Variants in HSP90B1 observed in about 807,000 individuals in gnomAD.
HSP90B1 encodes heat shock protein 90 beta family member 1, also known as endoplasmin.
In HSP90B1, 27 loss-of-function variants were observed where a neutral mutation model predicts 100.4. That is an observed-to-expected ratio of 0.27 (90% confidence interval 0.20 to 0.37). The LOEUF (loss-of-function observed/expected upper bound fraction) is 0.37, where lower values mean the gene tolerates loss of function less well. HSP90B1 is among the 10% of genes least tolerant of loss of function. HSP90B1 has a pLI of 1.00. For synonymous variants in HSP90B1, 304 were observed against 330.8 expected (o/e 0.92, Z 0.88); for missense variants, 678 against 960.5 (o/e 0.71, Z 3.89).
At chr12:103,947,483 CAG>C (rs1870273098) in intron 17 of HSP90B1, 53 bp downstream of exon 17, 7 of 1,613,442 alleles carry the variant, frequency 4.3e-6, no homozygotes, top group African/African-American at 4.0e-5. Flanking sequence ...AAAGTTAGGA[CAG>C]AGTTTTAGTT....
Position 103,938,102 on chromosome 12 carries a change from C to T in HSP90B1, c.856-238C>T, listed in dbSNP as rs548335816. ...AGGAGAATTGCTTGAACCCGGGAGA[C>T]GGAGGTTGCAGTGAGCCAAGATCGC... On this transcript the variant is annotated intron_variant, in intron 6 of 17. Transcript: ENST00000299767. 16 of 396,466 alleles carry T rather than the reference C, an allele frequency of 4.0e-5. No homozygotes were observed. In the East Asian group the frequency reaches 4.8e-4, roughly 12 times the overall value. The allele number at this position is 396,466 out of a possible 1,614,324, so 24.6% of individuals were successfully genotyped here. A position where few individuals can be genotyped will look rare whatever the true frequency, so the allele number is the denominator to read the frequency against.
Position 103,944,094 on chromosome 12 carries a change from T to C in HSP90B1, c.2027+220T>C, listed in dbSNP as rs569300359. 5.9e-5 allele frequency among the ~76,000 whole-genome samples: 9 copies of C among 152,380 alleles called. No individual in the cohort carries two copies. In the East Asian group the frequency reaches 1.5e-3, roughly 26 times the overall value. On this transcript the variant is annotated intron_variant, in intron 14 of 17. Transcript: ENST00000299767. The stretch of plus-strand genomic sequence containing the variant: ...TTTTCTGATTTTATTGTATTTGATA[T>C]GTAAATGGGAATTTTCTTAATGTGT...
chr12:103,939,761 A>G (rs1870023490), intron 8 of HSP90B1, 136 bp downstream of exon 8: 2 of 490,262 alleles, frequency 4.1e-6, no homozygotes. Flanking sequence ...AGAAAATTCA[A>G]AAAAAGACCT....
intron 2 of HSP90B1, 69 bp downstream of exon 2, chr12:103,931,692 A>T (rs767229801): frequency 1.8e-6 from 2 of 1,090,326 alleles, no homozygotes; most frequent in East Asian, 4.8e-5. Flanking sequence ...GTCACTTCTT[A>T]TGTATCTCTT....
chr12:103,937,632 A>C, intron 5 of HSP90B1, 63 bp from the exon 6 acceptor site: 1 of 812,404 alleles, frequency 1.2e-6, no homozygotes, highest in East Asian at 2.5e-5. Flanking sequence ...ATGGTATTTA[A>C]ATGAATTTAT....
chr12:103,936,918 GAGCCTT>G (rs966016370), intron 5 of HSP90B1, among the ~76,000 whole-genome samples: 6 of 152,118 alleles, frequency 3.9e-5, no homozygotes, highest in African/African-American at 1.2e-4. Flanking sequence ...CTAAACTAAT[GAGCCTT>G]TTGAGACAGG....
intron 11 of HSP90B1, among the ~76,000 whole-genome samples, 172 bp downstream of exon 11, chr12:103,942,069 CA>C (rs750590538): frequency 6.6e-6 from 1 of 152,078 alleles, no homozygotes; most frequent in Non-Finnish European, 1.5e-5. Context: ...TTTCTCCCAA[CA>C]TTTAATAATG....
In HSP90B1 at chr12:103,938,378, A is replaced by C. The variant is rs1869979040; in HGVS notation, c.894A>C (p.Ala298=). ...AGGAGCCCATGGAGGAAGAAGAAGC[A>C]GCCAAAGAAGAGAAAGAAGAATCTG... ...TVEEPMEEEE[A]AKEEKEESDD... is the part of the protein sequence containing the mutation. Residue 298 remains alanine (A), a synonymous_variant, in exon 7 of 18, where the codon GCA becomes GCC. Transcript: ENST00000299767. The C allele has an allele frequency of 1.3e-6, 2 of 1,572,198 alleles. No homozygotes were observed. Among genetic ancestry groups the C allele is most frequent in the Admixed American group, 1.8e-5 (1 of 54,106 alleles).
chr12:103,946,802 A>C lies in HSP90B1; in HGVS notation c.2123A>C (p.Lys708Thr). The C allele has an allele frequency of 6.2e-7, 1 of 1,614,094 alleles. No individual in the cohort carries two copies. The highest frequency in any genetic ancestry group is 1.3e-5 in the African/African-American group (1 of 75,058). ...GCATTTCAGGAAGATGAAGATGATA[A>C]AACAGTTTTGGATCTTGCTGTGGTT... ...LRRIKEDEDD[K>T]TVLDLAVVLF... The change falls in exon 16 of 18, where the codon AAA becomes ACA. Residue 708 changes from lysine to threonine, a missense_variant. This residue lies in a region of HSP90B1 where 64 missense variants were observed against 66.4 expected (regional missense o/e 0.96). Transcript: ENST00000299767.
chr12:103,938,648 C>T, intron 7 of HSP90B1, 189 bp downstream of exon 7: 2 of 454,238 alleles, frequency 4.4e-6, no homozygotes, highest in East Asian at 3.6e-5. Flanking sequence ...TTTTAAGTAT[C>T]AAACCCAGGT....
chr12:103,946,531 TTC>T, intron 14 of HSP90B1, 85 bp from the exon 15 acceptor site: 1 of 937,354 alleles, frequency 1.1e-6, no homozygotes, highest in East Asian at 2.5e-5. Context: ...CCAAGAGTTG[TTC>T]TGTGTAATTA....
chr12:103,938,839 G>A (rs1869995338), intron 7 of HSP90B1: 1 of 153,014 alleles, frequency 6.5e-6, no homozygotes, highest in Non-Finnish European at 1.5e-5. Flanking sequence ...TATTGATCAT[G>A]GTGGTTGAGA....
Position 103,943,113 on chromosome 12 carries a change from G to GGCTATGA in HSP90B1, c.1685_1691dup (p.Val565LeufsTer2). 1.2e-6 allele frequency: 2 copies of GGCTATGA among 1,614,152 alleles called. No homozygotes were observed. The highest frequency in any genetic ancestry group is 1.7e-6 in the Non-Finnish European group (2 of 1,180,010). On this transcript the variant is annotated frameshift_variant, in exon 13 of 18. Transcript: ENST00000299767. LOFTEE classifies it high-confidence loss of function. The surrounding 1 kb of genome is among the most constrained non-coding windows in gnomAD (Gnocchi z 5.3). ...ATTTGTTGAGCGACTTCTGAAAAAG[G>GGCTATGA]GCTATGAAGTTATTTACCTCACAGA...
intron 8 of HSP90B1, among the ~76,000 whole-genome samples, chr12:103,941,030 T>C (rs1399832613): frequency 1.3e-5 from 2 of 152,206 alleles, no homozygotes; most frequent in African/African-American, 2.4e-5. Flanking sequence ...GTACTTACTG[T>C]AGTTCAAGGG....
At position 103,938,970 on chromosome 12, in the gene HSP90B1, A is replaced by G. The variant is rs142401700; in HGVS notation, c.975+511A>G. 6.8e-3 allele frequency among the ~76,000 whole-genome samples: 1,037 copies of G among 152,334 alleles called. 26 individuals are homozygous for G. Among genetic ancestry groups the G allele is most frequent in the Non-Finnish European group, 4.2e-3 (288 of 68,034 alleles). On this transcript the variant is annotated intron_variant, in intron 7 of 17. Coordinates refer to ENST00000299767, the MANE Select transcript of HSP90B1 (RefSeq NM_003299.3). The stretch of plus-strand genomic sequence containing the variant: ...CATTTTTGCTAGTTAAAAAATAACA[A>G]TGAAGAAAAACTTAAGTGGCTTTTC...
rs1230079893 is a variant in HSP90B1 at position 103,930,810 on chromosome 12, AC to A, written c.49+248del. On this transcript the variant is annotated intron_variant, in intron 1 of 17. Coordinates refer to ENST00000299767, the MANE Select transcript of HSP90B1 (RefSeq NM_003299.3). The surrounding 1 kb of genome is among the most constrained non-coding windows in gnomAD (Gnocchi z 4.4). ...AGTATCTCGCCCGGAGGTCTCAGCG[AC>A]CTCGGGGTGGGGCCTCTCTGAGGCT... Among the ~76,000 whole-genome samples the A allele has an allele frequency of 2.6e-5, 4 of 152,042 alleles. No homozygotes were observed. The East Asian group carries it at 7.8e-4, about 30-fold the overall frequency.
rs1276887729 is a variant in HSP90B1 at position 103,934,276 on chromosome 12, A to G, written c.732A>G (p.Gly244=). 4.3e-6 allele frequency: 7 copies of G among 1,612,672 alleles called. No individual in the cohort carries two copies. The highest frequency in any genetic ancestry group is 5.9e-6 in the Non-Finnish European group (7 of 1,178,706). Residue 244 remains glycine, a synonymous_variant, in exon 5 of 18, where the codon GGA becomes GGG. Transcript: ENST00000299767. ...ADPRGNTLGR[G]TTITLVLKEE... ...CAAGAGGAAACACTCTAGGACGGGG[A>G]ACGACAATTACGTGAGTATGACCAA...
Position 103,941,454 on chromosome 12 carries a change from G to A in HSP90B1, c.1137G>A (p.Gly379=). ...PMAYIHFTAE[G]EVTFKSILFV... is the part of the protein sequence containing the mutation. ...CTTATATTCACTTTACTGCTGAAGG[G>A]GAAGTTACCTTCAAATCAATTTTAT... The change falls in exon 9 of 18, where the codon GGG becomes GGA. Residue 379 remains glycine (G), a synonymous_variant. Transcript: ENST00000299767. The A allele has an allele frequency of 6.2e-7, 1 of 1,612,656 alleles. No homozygotes were observed. The highest frequency in any genetic ancestry group is 8.5e-7 in the Non-Finnish European group (1 of 1,179,474).
chr12:103,936,990 A>G (rs1000165009), intron 5 of HSP90B1, among the ~76,000 whole-genome samples: 1 of 152,150 alleles, frequency 6.6e-6, no homozygotes, highest in Non-Finnish European at 1.5e-5. Context: ...AAGTATCAAG[A>G]TATGGACTAC....
Sources: gnomAD v4.1 joint callset for allele counts (sites outside exome capture counted in the v4.1 genomes callset) on GRCh38, gnomAD v4.1.1 for gene constraint, gnomAD v4.1.1 regional missense constraint, Gnocchi (gnomAD v3.1) non-coding constraint, MANE v1.5 for transcripts, NCBI Gene and HGNC (gene_info 2026-07-23, HGNC 2026-07-21) for gene names.